The following FSTL5 variants were observed in gnomAD, a reference collection of about 807,000 sequenced individuals.
FSTL5 encodes the protein follistatin like 5.
FSTL5 carries 62 observed loss-of-function variants against 89.1 expected under a neutral mutation model. That is an observed-to-expected ratio of 0.70 (90% CI 0.57 to 0.86). FSTL5 has a LOEUF of 0.86. Among genes scored for constraint, FSTL5 ranks in the 40% least tolerant of loss-of-function variants. The probability of loss-of-function intolerance (pLI) is 0.00; values close to 1 mark genes in which losing one functional copy is unlikely to be tolerated. For missense variants in FSTL5, 1,057 were observed against 1,001.6 expected (o/e 1.06, Z -0.75); for synonymous variants, 383 against 346.2 (o/e 1.11, Z -1.18).
intron 13 of FSTL5, among the ~76,000 whole-genome samples, chr4:161,476,918 C>A (rs932323093): frequency 9.2e-5 from 14 of 152,146 alleles, no homozygotes; most frequent in Non-Finnish European, 2.1e-4. Context: ...CTTACCCTGG[C>A]TCCTGCATTC....
At chr4:162,012,810 T>C (rs1736805898) in intron 3 of FSTL5, among the ~76,000 whole-genome samples, 1 of 152,072 alleles carries the variant, frequency 6.6e-6, no homozygotes, top group Non-Finnish European at 1.5e-5. Context: ...CAAAATTAAG[T>C]TTTTCACCCC....
At chr4:161,397,813 T>C (rs17041004) in intron 15 of FSTL5, among the ~76,000 whole-genome samples, 3,061 of 151,872 alleles carry the variant, frequency 0.02, 104 homozygotes, top group African/African-American at 0.07. Flanking sequence ...GAATTATTAA[T>C]AGTCAAAACA....
At chr4:161,686,320 A>T (rs1737716782) in intron 6 of FSTL5, among the ~76,000 whole-genome samples, 1 of 3,924 alleles carries the variant, frequency 2.5e-4, no homozygotes, top group African/African-American at 8.7e-4. Context: ...ATATATATAT[A>T]TATATATATA....
At chr4:161,998,848 CA>C (rs1736377868) in intron 3 of FSTL5, among the ~76,000 whole-genome samples, 1 of 111,024 alleles carries the variant, frequency 9.0e-6, no homozygotes, top group Non-Finnish European at 1.8e-5. Flanking sequence ...AGCAGTTAAA[CA>C]CACACACAAC....
chr4:161,723,515 C>A (rs1739287043), intron 6 of FSTL5, among the ~76,000 whole-genome samples: 1 of 152,116 alleles, frequency 6.6e-6, no homozygotes, highest in African/African-American at 2.4e-5. Flanking sequence ...TTCCTTTGCT[C>A]CCCATTCATA....
intron 6 of FSTL5, among the ~76,000 whole-genome samples, chr4:161,738,224 T>C (rs1445235468): frequency 6.6e-6 from 1 of 151,948 alleles, no homozygotes; most frequent in Non-Finnish European, 1.5e-5. Context: ...GTAAAGAAAA[T>C]AAAATGGAGA....
At chr4:162,126,556 A>C (rs1023060402) in intron 1 of FSTL5, among the ~76,000 whole-genome samples, 7 of 152,132 alleles carry the variant, frequency 4.6e-5, no homozygotes, top group African/African-American at 1.7e-4. Context: ...TTTACAATTC[A>C]TCATTTTTTC....
rs750300168 is a variant in FSTL5 at position 162,033,682 on chromosome 4, T to C, written c.127-24A>G. 8 of 1,351,172 alleles carry C rather than the reference T, an allele frequency of 5.9e-6. No individual in the cohort carries two copies. In the Admixed American group the frequency reaches 1.4e-4, roughly 24 times the overall value. The allele number at this position is 1,351,172 out of a possible 1,614,324, so 83.7% of individuals were successfully genotyped here. ...TGCTGGAAATAAAACAGAAAATAGG[T>C]CAAAATATGTAAGTAAATATGTGAT... On this transcript the variant is annotated intron_variant, in intron 2 of 15. Coordinates refer to ENST00000306100, the MANE Select transcript of FSTL5 (RefSeq NM_020116.5).
At chr4:161,851,783 T>C (rs991244205) in intron 4 of FSTL5, among the ~76,000 whole-genome samples, 1 of 151,896 alleles carries the variant, frequency 6.6e-6, no homozygotes, top group African/African-American at 2.4e-5. Context: ...ACTTACAACT[T>C]TGGCTTCTCT....
intron 15 of FSTL5, chr4:161,387,391 T>A (rs9993080): frequency 6.6e-6 from 1 of 152,098 alleles, no homozygotes; most frequent in South Asian, 2.1e-4. Flanking sequence ...TTCCATTCAC[T>A]GTGTTCATAA....
intron 11 of FSTL5, among the ~76,000 whole-genome samples, 192 bp from the exon 12 acceptor site, chr4:161,500,326 A>G (rs1272260072): frequency 1.3e-5 from 2 of 152,144 alleles, no homozygotes; most frequent in East Asian, 3.8e-4. Flanking sequence ...ATTACACTTC[A>G]TTCTTCCTGT....
At chr4:161,909,616 T>C (rs1244630097) in intron 4 of FSTL5, among the ~76,000 whole-genome samples, 6 of 152,296 alleles carry the variant, frequency 3.9e-5, no homozygotes, top group Middle Eastern at 3.4e-3. Context: ...TCTTATTTCA[T>C]AGAGAAAAAT....
At chr4:161,829,259 G>T (rs1042139392) in intron 4 of FSTL5, among the ~76,000 whole-genome samples, 1 of 149,400 alleles carries the variant, frequency 6.7e-6, no homozygotes. Flanking sequence ...GTATTCCAGA[G>T]GAAAAGCTCT....
chr4:161,944,789 A>T (rs906546230), intron 3 of FSTL5, among the ~76,000 whole-genome samples: 1 of 151,804 alleles, frequency 6.6e-6, no homozygotes, highest in Non-Finnish European at 1.5e-5. Context: ...TTTGGTTAGT[A>T]TTTAATTTAT....
At chr4:161,386,652 T>G in intron 15 of FSTL5, 1 of 539,498 alleles carries the variant, frequency 1.9e-6, no homozygotes, top group Non-Finnish European at 3.3e-6. Flanking sequence ...TACATCCAAA[T>G]CATCATAACT....
chr4:161,493,265 T>A (rs1278202990), intron 12 of FSTL5, among the ~76,000 whole-genome samples: 1 of 151,686 alleles, frequency 6.6e-6, no homozygotes, highest in Non-Finnish European at 1.5e-5. Flanking sequence ...ATTAGAATTG[T>A]ATAAGCAAAA....
chr4:161,506,233 A>AT (rs35624791), intron 11 of FSTL5, among the ~76,000 whole-genome samples: 2,631 of 145,794 alleles, frequency 0.018, 68 homozygotes, highest in African/African-American at 0.06. Flanking sequence ...CACGCCCGGC[A>AT]TTTTTTTTTT....
chr4:161,957,234 T>G (rs1735049345), intron 3 of FSTL5, among the ~76,000 whole-genome samples: 1 of 152,026 alleles, frequency 6.6e-6, no homozygotes, highest in African/African-American at 2.4e-5. Flanking sequence ...GCAAATATAA[T>G]TTATATATTC....
intron 3 of FSTL5, among the ~76,000 whole-genome samples, chr4:161,992,952 CTAT>C (rs1736178070): frequency 5.4e-4 from 4 of 7,460 alleles, no homozygotes; most frequent in East Asian, 1.0e-3. Context: ...GTGTGTATAT[CTAT>C]ATATATATGT....
Sources: gnomAD v4.1 joint callset for allele counts (sites outside exome capture counted in the v4.1 genomes callset) on GRCh38, gnomAD v4.1.1 for gene constraint, MANE v1.5 for transcripts, NCBI Gene and HGNC (gene_info 2026-07-23, HGNC 2026-07-21) for gene names.